The following PATJ variants were observed in gnomAD, a reference collection of about 807,000 sequenced individuals.
PATJ encodes inaD-like protein.
In PATJ, 190 loss-of-function variants were observed where a neutral mutation model predicts 224.9. The observed-to-expected ratio is 0.84, with a 90% confidence interval of 0.75 to 0.95. PATJ has a LOEUF of 0.95. Ranked by LOEUF, PATJ falls within the 40% of genes least tolerant of loss-of-function variation. The pLI, the probability that PATJ is intolerant of heterozygous loss-of-function variation, is 0.00. For synonymous variants in PATJ, 769 were observed against 820.3 expected (o/e 0.94, Z 1.07); for missense variants, 2,121 against 2,270.3 (o/e 0.93, Z 1.34).
chr1:61,864,560 C>T lies in PATJ; in HGVS notation c.2762C>T (p.Ser921Phe). 1 of 1,612,778 alleles carries T rather than the reference C, an allele frequency of 6.2e-7. No homozygotes were observed. The highest frequency in any genetic ancestry group is 8.5e-7 in the Non-Finnish European group (1 of 1,179,690). The change falls in exon 20 of 44, where the codon TCT becomes TTT. Residue 921 changes from serine (S) to phenylalanine (F), a missense_variant. Physicochemically the swap from Ser to Phe is radical, Grantham distance 155 (BLOSUM62 -2). Transcript: ENST00000642238. ...TTGCATGATAATGAACCATCCGAGT[C>T]TCAAGAGGCAAGAACCGGGAGGACT... is the stretch of plus-strand genomic sequence containing the variant. ...QWLHDNEPSESQEARTGRTVY... is the reference protein window; with the variant it reads ...QWLHDNEPSEFQEARTGRTVY...
chr1:61,846,417 A>G (rs1661964771), intron 17 of PATJ, among the ~76,000 whole-genome samples: 1 of 152,234 alleles, frequency 6.6e-6, no homozygotes, highest in South Asian at 2.1e-4. Context: ...CTTTCCCTGC[A>G]TCATAATACA....
intron 27 of PATJ, among the ~76,000 whole-genome samples, chr1:61,987,688 T>C (rs1187571470): frequency 1.9e-4 from 29 of 152,188 alleles, no homozygotes; most frequent in Admixed American, 1.9e-3. Flanking sequence ...TTCAGTCTTA[T>C]TTCTGATCAC....
chr1:61,927,626 T>C (rs1006999414), intron 26 of PATJ, 104 bp from the exon 27 acceptor site: 4 of 667,824 alleles, frequency 6.0e-6, no homozygotes, highest in Non-Finnish European at 1.0e-5. Flanking sequence ...TGAAGTTGGG[T>C]ATGGTCTAAA....
chr1:61,927,603 C>T (rs1675400350), intron 26 of PATJ, 127 bp from the exon 27 acceptor site: 1 of 609,406 alleles, frequency 1.6e-6, no homozygotes, highest in Non-Finnish European at 2.9e-6. Flanking sequence ...TTTTACAGTC[C>T]TCATGATATG....
At position 61,875,281 on chromosome 1, in the gene PATJ, A is replaced by G. The variant is rs758652318; in HGVS notation, c.2874A>G (p.Val958=). 10 of 1,607,180 alleles carry G rather than the reference A, an allele frequency of 6.2e-6. No homozygotes were observed. The South Asian group carries it at 1.1e-4, about 18-fold the overall frequency. Residue 958 remains valine, a synonymous_variant, in exon 21 of 44, where the codon GTA becomes GTG. Transcript: ENST00000642238. ...ENFVMESLPS[V]PSTEGNSQQG... ...TTGTCATGGAGTCCCTACCATCTGT[A>G]CCATCAACTGAAGGAAACAGTCAAC...
intron 24 of PATJ, among the ~76,000 whole-genome samples, chr1:61,904,583 T>C (rs1671616115): frequency 1.3e-5 from 2 of 152,252 alleles, no homozygotes; most frequent in Non-Finnish European, 2.9e-5. Context: ...ATTACCCTTC[T>C]GTATTAGTCC....
intron 28 of PATJ, among the ~76,000 whole-genome samples, chr1:61,997,502 T>G (rs1645435013): frequency 6.6e-6 from 1 of 152,200 alleles, no homozygotes; most frequent in Non-Finnish European, 1.5e-5. Flanking sequence ...ACTTGCTCAT[T>G]AAAAGAAATT....
At chr1:62,046,244 G>GGGAA (rs1652541494) in intron 30 of PATJ, among the ~76,000 whole-genome samples, 1 of 148,068 alleles carries the variant, frequency 6.8e-6, no homozygotes, top group Admixed American at 6.8e-5. Flanking sequence ...AAGGGAGGGA[G>GGGAA]GGAGGGAGGG....
Position 62,123,222 on chromosome 1 carries a change from C to G in PATJ, c.5043+164C>G, listed in dbSNP as rs539587489. Among the ~76,000 whole-genome samples the G allele has an allele frequency of 9.5e-4, 144 of 152,130 alleles. 1 individual carries two copies. The highest frequency in any genetic ancestry group is 3.3e-3 in the African/African-American group (139 of 41,516). On this transcript the variant is annotated intron_variant, in intron 39 of 43. Coordinates refer to ENST00000642238, the MANE Select transcript of PATJ (RefSeq NM_001350145.3). ...ATCAATAAATAGACTTAGAAAAGTA[C>G]AGTAGAGCACAGAGATGACCTCTAT... is the stretch of plus-strand genomic sequence containing the variant.
intron 30 of PATJ, among the ~76,000 whole-genome samples, chr1:62,041,977 A>T (rs771369559): frequency 6.6e-6 from 1 of 151,872 alleles, no homozygotes; most frequent in Non-Finnish European, 1.5e-5. Flanking sequence ...ACAGAGAAAG[A>T]CTCCATCTCA....
intron 1 of PATJ, among the ~76,000 whole-genome samples, chr1:61,749,814 G>C (rs961665321): frequency 6.6e-6 from 1 of 152,050 alleles, no homozygotes; most frequent in African/African-American, 2.4e-5. Flanking sequence ...GAGTAGCTGG[G>C]AGTACAGGTG....
chr1:61,962,130 G>A (rs1681400759), intron 27 of PATJ, among the ~76,000 whole-genome samples: 1 of 151,966 alleles, frequency 6.6e-6, no homozygotes, highest in African/African-American at 2.4e-5. Context: ...CTTTTTGTTG[G>A]TTCCTCTATT....
chr1:62,059,783 C>G (rs528952826), intron 31 of PATJ, among the ~76,000 whole-genome samples: 1 of 152,014 alleles, frequency 6.6e-6, no homozygotes, highest in Admixed American at 6.6e-5. Flanking sequence ...ATGACTGAAA[C>G]CAAGGATCTG....
chr1:61,790,319 G>A (rs563488814), intron 8 of PATJ, among the ~76,000 whole-genome samples: 27 of 151,528 alleles, frequency 1.8e-4, no homozygotes, highest in African/African-American at 6.3e-4. Flanking sequence ...TATGTTCATA[G>A]TTCTTTCAGA....
Position 61,922,929 on chromosome 1 carries a change from C to A in PATJ, c.3571-4801C>A, listed in dbSNP as rs915281820. 7.9e-5 allele frequency among the ~76,000 whole-genome samples: 12 copies of A among 152,208 alleles called. No individual in the cohort carries two copies. The South Asian group carries it at 1.2e-3, about 16-fold the overall frequency. On this transcript the variant is annotated intron_variant, in intron 26 of 43. Coordinates refer to ENST00000642238, the MANE Select transcript of PATJ (RefSeq NM_001350145.3). ...GTAGGTGAATGAACTTGTTACTACT[C>A]CAGCCACATCTGGGAACAAGATAAT... is the stretch of plus-strand genomic sequence containing the variant.
At chr1:61,963,662 C>T (rs1681650964) in intron 27 of PATJ, among the ~76,000 whole-genome samples, 1 of 151,924 alleles carries the variant, frequency 6.6e-6, no homozygotes, top group African/African-American at 2.4e-5. Flanking sequence ...GGAAGTGGAT[C>T]ATCATAAAGG....
intron 22 of PATJ, among the ~76,000 whole-genome samples, chr1:61,896,589 A>T (rs769263879): frequency 3.3e-5 from 5 of 152,186 alleles, no homozygotes; most frequent in African/African-American, 7.2e-5. Flanking sequence ...GATTGCTTAT[A>T]AAATGTGAAA....
intron 28 of PATJ, among the ~76,000 whole-genome samples, chr1:61,994,202 A>T (rs140788006): frequency 1.3e-5 from 2 of 152,366 alleles, no homozygotes; most frequent in Non-Finnish European, 2.9e-5. Flanking sequence ...TGCATCTGTC[A>T]TATAGCAGGT....
At chr1:61,776,089 G>T (rs1398322902) in intron 7 of PATJ, among the ~76,000 whole-genome samples, 1 of 152,194 alleles carries the variant, frequency 6.6e-6, no homozygotes, top group African/African-American at 2.4e-5. Flanking sequence ...CCATGCAAAT[G>T]CAGCTTCAAG....
Sources: allele counts gnomAD v4.1 joint callset (sites outside exome capture counted in the v4.1 genomes callset), GRCh38; gene constraint gnomAD v4.1.1; transcripts MANE v1.5; gene names NCBI Gene and HGNC (gene_info 2026-07-23, HGNC 2026-07-21).